ACAA2: variants seen among roughly 807,000 people sequenced by gnomAD.
The protein encoded by ACAA2 is acetyl-CoA acyltransferase 2.
ACAA2 carries 35 observed loss-of-function variants against 44.8 expected under a neutral mutation model. That is an observed-to-expected ratio of 0.78 (90% CI 0.60 to 1.04). The LOEUF is 1.04. Among genes scored for constraint, ACAA2 ranks in the 50% least tolerant of loss-of-function variants. The pLI, the probability that ACAA2 is intolerant of heterozygous loss-of-function variation, is 0.00. For synonymous variants in ACAA2, 142 were observed against 166.5 expected (o/e 0.85, Z 1.13); for missense variants, 468 against 482.6 (o/e 0.97, Z 0.28).
chr18:49,789,244 A>G (rs996041023), intron 7 of ACAA2, among the ~76,000 whole-genome samples: 2 of 152,204 alleles, frequency 1.3e-5, no homozygotes, highest in African/African-American at 4.8e-5. Flanking sequence ...TTAGGTAATC[A>G]TGGAACTGAG....
chr18:49,791,974 A>G (rs191156748), intron 6 of ACAA2, among the ~76,000 whole-genome samples, 178 bp downstream of exon 6: 116 of 152,360 alleles, frequency 7.6e-4, no homozygotes, highest in Middle Eastern at 3.4e-3. Flanking sequence ...TATTATATAA[A>G]TAAATATGAA....
Position 49,783,089 on chromosome 18 carries a change from C to G in ACAA2, c.*758G>C, listed in dbSNP as rs2023285363. On this transcript the variant is annotated 3_prime_UTR_variant, in exon 10 of 10. Coordinates refer to ENST00000285093, the MANE Select transcript of ACAA2 (RefSeq NM_006111.3). Reference sequence around the variant, plus strand: ...GGAAGAAGGAAGTAAGGTTTATACACACAGCAGAATATTATTCAGCCTTTA... The same window carrying G: ...GGAAGAAGGAAGTAAGGTTTATACAGACAGCAGAATATTATTCAGCCTTTA... 1 of 152,170 alleles carries G rather than the reference C, an allele frequency of 6.6e-6. No individual in the cohort carries two copies. Among genetic ancestry groups the G allele is most frequent in the African/African-American group, 2.4e-5 (1 of 41,424 alleles). The allele number at this position is 152,170 out of a possible 1,614,324, so 9.4% of individuals were successfully genotyped here.
At chr18:49,794,149 G>A in intron 5 of ACAA2, 131 bp downstream of exon 5, 1 of 737,994 alleles carries the variant, frequency 1.4e-6, no homozygotes, top group Non-Finnish European at 1.9e-6. Flanking sequence ...TAAAGACAAA[G>A]GAATAATGAA....
chr18:49,788,487 A>C (rs2023360341), intron 7 of ACAA2, among the ~76,000 whole-genome samples: 1 of 152,232 alleles, frequency 6.6e-6, no homozygotes. Flanking sequence ...ACTTCAATTT[A>C]AAATGCCAGT....
chr18:49,792,020 T>G, intron 6 of ACAA2, 132 bp downstream of exon 6: 2 of 574,258 alleles, frequency 3.5e-6, no homozygotes, highest in Non-Finnish European at 5.7e-6. Context: ...CCTAAATTAA[T>G]TGAATATGAA....
chr18:49,799,869 G>A (rs1453341446), intron 2 of ACAA2, among the ~76,000 whole-genome samples: 2 of 7,124 alleles, frequency 2.8e-4, no homozygotes, highest in Non-Finnish European at 5.0e-4. Context: ...GCCCGGCCGC[G>A]ACCCCATCTG....
At chr18:49,799,033 T>G (rs1350592481) in intron 2 of ACAA2, among the ~76,000 whole-genome samples, 2 of 152,206 alleles carry the variant, frequency 1.3e-5, no homozygotes, top group Non-Finnish European at 2.9e-5. Flanking sequence ...TTGGAATAAA[T>G]GAGTTTTACT....
intron 3 of ACAA2, among the ~76,000 whole-genome samples, chr18:49,796,413 T>C (rs1189465544): frequency 6.6e-6 from 1 of 152,210 alleles, no homozygotes; most frequent in Non-Finnish European, 1.5e-5. Flanking sequence ...CTGATGGTTC[T>C]TAAAATTATT....
intron 9 of ACAA2, among the ~76,000 whole-genome samples, chr18:49,784,347 T>C (rs187043356): frequency 3.9e-5 from 6 of 152,300 alleles, no homozygotes; most frequent in Admixed American, 3.9e-4. Flanking sequence ...ATTTATATAG[T>C]GTGAGAGCCT....
intron 3 of ACAA2, 43 bp from the exon 4 acceptor site, chr18:49,795,924 CCAAA>C (rs770685293): frequency 1.5e-5 from 18 of 1,212,798 alleles, no homozygotes; most frequent in African/African-American, 7.5e-5. Context: ...TTTACCGTAC[CCAAA>C]CAATGTATTA....
rs779032576 is a variant in ACAA2, at chr18:49,785,187, T to C, written c.1109+10A>G. On this transcript the variant is annotated intron_variant, in intron 9 of 9. Transcript: ENST00000285093. ...AGCAAATCTGAAATGCAGCTATTTC[T>C]AGCAAATACCTTAATTCGTGAACCA... 3 of 1,607,462 alleles carry C rather than the reference T, an allele frequency of 1.9e-6. No homozygotes were observed. Among genetic ancestry groups the C allele is most frequent in the Non-Finnish European group, 2.5e-6 (3 of 1,177,410 alleles).
intron 1 of ACAA2, among the ~76,000 whole-genome samples, chr18:49,812,214 G>C (rs1490393739): frequency 3.9e-5 from 6 of 152,162 alleles, no homozygotes; most frequent in African/African-American, 1.2e-4. Flanking sequence ...TTTTTCCCTT[G>C]ATTTGTTCCC....
intron 2 of ACAA2, among the ~76,000 whole-genome samples, chr18:49,802,362 G>A (rs1426304818): frequency 5.9e-5 from 9 of 152,030 alleles, no homozygotes; most frequent in Non-Finnish European, 1.2e-4. Context: ...AAGAGATCGA[G>A]ACCATCCTGG....
At chr18:49,813,393 CGGCCGGAAGCGGA>C (rs2023694242) in intron 1 of ACAA2, 63 bp downstream of exon 1, 3 of 1,141,014 alleles carry the variant, frequency 2.6e-6, no homozygotes, top group Non-Finnish European at 1.1e-6. Context: ...CTCTCCGCGG[CGGCCGGAAGCGGA>C]GGCCTGGCCT....
chr18:49,810,789 G>T (rs1252062859), intron 1 of ACAA2, among the ~76,000 whole-genome samples: 1 of 151,740 alleles, frequency 6.6e-6, no homozygotes, highest in Non-Finnish European at 1.5e-5. Flanking sequence ...CTGGGCTCAA[G>T]CAATCCTCCA....
At chr18:49,797,414 T>C in intron 3 of ACAA2, 52 bp downstream of exon 3, 1 of 1,539,172 alleles carries the variant, frequency 6.5e-7, no homozygotes. Flanking sequence ...GGACATTTCT[T>C]CTAGTAACTA....
chr18:49,805,931 A>C (rs1274389102), intron 1 of ACAA2, among the ~76,000 whole-genome samples: 1 of 151,612 alleles, frequency 6.6e-6, no homozygotes, highest in Non-Finnish European at 1.5e-5. Flanking sequence ...TCCTCTTTCC[A>C]TGCCTTCTTC....
intron 7 of ACAA2, 47 bp downstream of exon 7, chr18:49,791,423 T>C (rs781169602): frequency 4.4e-6 from 7 of 1,577,636 alleles, no homozygotes; most frequent in Non-Finnish European, 6.1e-6. Context: ...AAAGAAGACT[T>C]ACCTCCAGAA....
In ACAA2 at chr18:49,795,848, A is replaced by G. The variant is rs770665537; in HGVS notation, c.346T>C (p.Cys116Arg). 2 of 1,612,252 alleles carry G rather than the reference A, an allele frequency of 1.2e-6. No homozygotes were observed. The highest frequency in any genetic ancestry group is 1.7e-5 in the Admixed American group (1 of 59,752). The change falls in exon 4 of 10, where the codon TGT becomes CGT. Residue 116 changes from cysteine (C) to arginine (R), a missense_variant. Transcript: ENST00000285093. ...ICVKEAEVVL[C>R]GGTESMSQAP... ...TGGCTCATGCTTTCGGTTCCTCCAC[A>G]TAAAACAACTTCAGCTTCTTTAACA...
Sources: allele counts gnomAD v4.1 joint callset (sites outside exome capture counted in the v4.1 genomes callset), GRCh38; gene constraint gnomAD v4.1.1; transcripts MANE v1.5; gene names NCBI Gene and HGNC (gene_info 2026-07-23, HGNC 2026-07-21).